RUNX2: variants seen among roughly 807,000 people sequenced by gnomAD.
RUNX2 encodes the protein runt-related transcription factor 2.
In RUNX2, 10 loss-of-function variants were observed where a neutral mutation model predicts 51.7. That is an observed-to-expected ratio of 0.19 (90% CI 0.12 to 0.33). The LOEUF (loss-of-function observed/expected upper bound fraction) is 0.33. Among genes scored for constraint, RUNX2 ranks in the 10% least tolerant of loss-of-function variants. The pLI, the probability that RUNX2 is intolerant of heterozygous loss-of-function variation, is 1.00. For missense variants in RUNX2, 562 were observed against 691.3 expected (o/e 0.81, Z 2.10); for synonymous variants, 276 against 273.6 (o/e 1.01, Z -0.09).
At chr6:45,423,517 G>A (rs1798293452) in intron 3 of RUNX2, among the ~76,000 whole-genome samples, 1 of 152,120 alleles carries the variant, frequency 6.6e-6, no homozygotes, top group African/African-American at 2.4e-5. Context: ...CCCCTTCCCC[G>A]ACCCGCAGAG....
At chr6:45,511,756 A>G (rs1383941731) in intron 6 of RUNX2, among the ~76,000 whole-genome samples, 2 of 152,218 alleles carry the variant, frequency 1.3e-5, no homozygotes, top group East Asian at 3.9e-4. Context: ...ACCAAAAAGC[A>G]TGTCTGAAAG....
chr6:45,454,550 C>T (rs909597320), intron 5 of RUNX2, among the ~76,000 whole-genome samples: 2 of 152,138 alleles, frequency 1.3e-5, no homozygotes, highest in Non-Finnish European at 2.9e-5. Flanking sequence ...AGGGAGAAAT[C>T]CTTGTGTTTG....
At chr6:45,431,703 A>C (rs1309102608) in intron 3 of RUNX2, among the ~76,000 whole-genome samples, 160 bp from the exon 4 acceptor site, 3 of 152,236 alleles carry the variant, frequency 2.0e-5, no homozygotes, top group African/African-American at 7.2e-5. Flanking sequence ...TTGAAGTGGC[A>C]TCACAACCCA....
chr6:45,366,380 C>T (rs1795137651), intron 2 of RUNX2, among the ~76,000 whole-genome samples: 1 of 152,190 alleles, frequency 6.6e-6, no homozygotes, highest in African/African-American at 2.4e-5. Context: ...TAAATGGCAA[C>T]GATAATCTCA....
chr6:45,530,219 C>T (rs1031462690), intron 7 of RUNX2, among the ~76,000 whole-genome samples: 3 of 152,182 alleles, frequency 2.0e-5, no homozygotes, highest in African/African-American at 7.2e-5. Context: ...GGTCTTCCTA[C>T]CACCATTTTA....
At chr6:45,474,468 T>C (rs1399285155) in intron 5 of RUNX2, among the ~76,000 whole-genome samples, 3 of 151,946 alleles carry the variant, frequency 2.0e-5, no homozygotes, top group Admixed American at 1.3e-4. Context: ...ATCTTTTTTT[T>C]TGAGAGGAGT....
intron 2 of RUNX2, among the ~76,000 whole-genome samples, chr6:45,399,051 C>G (rs1797640666): frequency 6.6e-6 from 1 of 152,138 alleles, no homozygotes; most frequent in Non-Finnish European, 1.5e-5. Context: ...ATTGAGCTAC[C>G]TGTAACAGTG....
chr6:45,414,994 C>T (rs959214358), intron 2 of RUNX2, among the ~76,000 whole-genome samples: 8 of 151,856 alleles, frequency 5.3e-5, no homozygotes, highest in Admixed American at 5.2e-4. Flanking sequence ...AATATATGTC[C>T]TCTAATTATA....
At chr6:45,517,964 T>C (rs1801383942) in intron 7 of RUNX2, among the ~76,000 whole-genome samples, 1 of 152,198 alleles carries the variant, frequency 6.6e-6, no homozygotes, top group African/African-American at 2.4e-5. Context: ...GTGCCAATTA[T>C]ATGTGAACAT....
intron 7 of RUNX2, among the ~76,000 whole-genome samples, chr6:45,531,580 G>A (rs757522680): frequency 3.3e-5 from 5 of 151,480 alleles, no homozygotes; most frequent in African/African-American, 4.8e-5. Flanking sequence ...TGGTGAAACC[G>A]CATCTCTACT....
At chr6:45,516,911 G>A (rs1172988643) in intron 7 of RUNX2, among the ~76,000 whole-genome samples, 4 of 152,152 alleles carry the variant, frequency 2.6e-5, no homozygotes, top group African/African-American at 9.6e-5. Flanking sequence ...CTGATTGTTT[G>A]GGTCAGAGTA....
At position 45,546,588 on chromosome 6, in the gene RUNX2, G is replaced by A. The variant is rs533505455; in HGVS notation, c.1088-239G>A. On this transcript the variant is annotated intron_variant, in intron 8 of 8. Coordinates refer to ENST00000647337, the MANE Select transcript of RUNX2 (RefSeq NM_001024630.4). ...TACACATTGACCTGGCACACATGTG[G>A]GTTTTTAAAGCCCTCTGGGATTCTC... 4.6e-5 allele frequency among the ~76,000 whole-genome samples: 7 copies of A among 152,218 alleles called. No homozygotes were observed. In the South Asian group the frequency reaches 1.2e-3, roughly 27 times the overall value.
At chr6:45,443,859 A>G (rs1259979863) in intron 5 of RUNX2, among the ~76,000 whole-genome samples, 1 of 152,160 alleles carries the variant, frequency 6.6e-6, no homozygotes, top group East Asian at 1.9e-4. Flanking sequence ...GGTTAAGATT[A>G]GAGGTTTTTT....
intron 4 of RUNX2, among the ~76,000 whole-genome samples, chr6:45,436,069 A>G (rs1582109571): frequency 1.3e-5 from 2 of 152,210 alleles, no homozygotes; most frequent in East Asian, 3.8e-4. Flanking sequence ...CTAACCAATT[A>G]TAAATTATTT....
chr6:45,415,476 T>G (rs1798048871), intron 2 of RUNX2, among the ~76,000 whole-genome samples: 2 of 152,244 alleles, frequency 1.3e-5, no homozygotes, highest in Middle Eastern at 3.4e-3. Flanking sequence ...GGAAGGCTGT[T>G]CACACGGAGT....
chr6:45,429,623 C>T (rs962088959), intron 3 of RUNX2, among the ~76,000 whole-genome samples: 2 of 152,090 alleles, frequency 1.3e-5, no homozygotes, highest in South Asian at 2.1e-4. Flanking sequence ...AGCATGGTTC[C>T]GTCTCCTCTG....
chr6:45,504,660 GTGTATA>G (rs1800904179), intron 6 of RUNX2, among the ~76,000 whole-genome samples: 1 of 152,158 alleles, frequency 6.6e-6, no homozygotes, highest in African/African-American at 2.4e-5. Flanking sequence ...ATGTATGAAT[GTGTATA>G]TGTATAAGTG....
At chr6:45,451,434 C>T (rs958179650) in intron 5 of RUNX2, among the ~76,000 whole-genome samples, 5 of 152,150 alleles carry the variant, frequency 3.3e-5, no homozygotes, top group Non-Finnish European at 7.3e-5. Flanking sequence ...GAAGCAATCC[C>T]GAAGGTGATC....
At chr6:45,463,138 C>T (rs959074424) in intron 5 of RUNX2, among the ~76,000 whole-genome samples, 8 of 152,146 alleles carry the variant, frequency 5.3e-5, no homozygotes, top group Admixed American at 2.0e-4. Flanking sequence ...GGAGTCTTTA[C>T]CAAATGGTTT....
Sources: allele counts gnomAD v4.1 joint callset (sites outside exome capture counted in the v4.1 genomes callset), GRCh38; gene constraint gnomAD v4.1.1; transcripts MANE v1.5; gene names NCBI Gene and HGNC (gene_info 2026-07-23, HGNC 2026-07-21).